Variants in RAB28 observed in about 807,000 individuals in gnomAD.
RAB28 encodes the protein ras-related protein Rab-28.
A neutral mutation model predicts 31.7 loss-of-function variants in RAB28; 24 were observed. That is an observed-to-expected ratio of 0.76 (90% confidence interval 0.55 to 1.06). RAB28 has a LOEUF of 1.06. Among genes scored for constraint, RAB28 ranks in the 50% least tolerant of loss-of-function variants. The probability of loss-of-function intolerance (pLI) is 0.00; values close to 1 mark genes in which losing one functional copy is unlikely to be tolerated. For synonymous variants in RAB28, 100 were observed against 90.4 expected, an observed-to-expected ratio of 1.11 and a Z score of -0.60; for missense variants, 254 against 258.5, an observed-to-expected ratio of 0.98 and a Z score of 0.12.
chr4:13,453,988 A>AT (rs907839216), intron 4 of RAB28, among the ~76,000 whole-genome samples: 1 of 151,860 alleles, frequency 6.6e-6, no homozygotes, highest in Non-Finnish European at 1.5e-5. Flanking sequence ...ATAATCCTAT[A>AT]TTTTTTGCCA....
rs1356627022 is a variant in RAB28 at position 13,368,179 on chromosome 4, GA to G, written c.*378del. 1.0e-6 allele frequency: 1 copy of G among 989,396 alleles called. No individual in the cohort carries two copies. Among genetic ancestry groups the G allele is most frequent in the Non-Finnish European group, 1.2e-6 (1 of 832,754 alleles). The allele number at this position is 989,396 out of a possible 1,614,324, so 61.3% of individuals were successfully genotyped here. On this transcript the variant is annotated 3_prime_UTR_variant, in exon 7 of 7. Coordinates refer to ENST00000330852, the MANE Select transcript of RAB28 (RefSeq NM_001017979.3). ...TTGACACATACAAGTTCCGATAAGA[GA>G]ATGAAATTGCTGTGGCAAAATCCTG...
chr4:13,400,017 C>A (rs773028218), intron 4 of RAB28, among the ~76,000 whole-genome samples: 5 of 152,068 alleles, frequency 3.3e-5, no homozygotes, highest in Non-Finnish European at 4.4e-5. Context: ...AACATTGTAG[C>A]CCTTAATCTA....
At chr4:13,451,265 C>T (rs1189978461) in intron 4 of RAB28, among the ~76,000 whole-genome samples, 1 of 151,842 alleles carries the variant, frequency 6.6e-6, no homozygotes, top group Non-Finnish European at 1.5e-5. Context: ...TTTTGATTTG[C>T]ATTTCCCTGA....
At chr4:13,424,660 A>C (rs1255798961) in intron 4 of RAB28, among the ~76,000 whole-genome samples, 1 of 152,156 alleles carries the variant, frequency 6.6e-6, no homozygotes, top group Non-Finnish European at 1.5e-5. Flanking sequence ...GAGACTTTCC[A>C]AATGTCACCA....
chr4:13,460,899 A>G, intron 3 of RAB28, 71 bp from the exon 4 acceptor site: 1 of 1,420,982 alleles, frequency 7.0e-7, no homozygotes, highest in Non-Finnish European at 9.8e-7. Flanking sequence ...ATACTTGCGT[A>G]ATGCTTCAGA....
chr4:13,464,559 G>T lies in RAB28; in HGVS notation c.262-3731C>A, dbSNP rs111915944. On this transcript the variant is annotated intron_variant, in intron 3 of 6. Coordinates refer to ENST00000330852, the MANE Select transcript of RAB28 (RefSeq NM_001017979.3). ...CCATACTTTACCACAACACTACCAG[G>T]GCACCAACATCTGAAAGAGCTGCAA... is the stretch of plus-strand genomic sequence containing the variant. Among the ~76,000 whole-genome samples, 169 of 151,926 alleles carry T rather than the reference G, an allele frequency of 1.1e-3. 2 individuals carry two copies. Among genetic ancestry groups the T allele is most frequent in the Middle Eastern group, 3.4e-3 (1 of 294 alleles).
chr4:13,408,519 T>G (rs748846458), intron 4 of RAB28, among the ~76,000 whole-genome samples: 1 of 152,180 alleles, frequency 6.6e-6, no homozygotes, highest in African/African-American at 2.4e-5. Flanking sequence ...AGGATGATGC[T>G]GGCCTCATAA....
At chr4:13,430,350 C>T (rs963680066) in intron 4 of RAB28, among the ~76,000 whole-genome samples, 19 of 151,906 alleles carry the variant, frequency 1.3e-4, no homozygotes, top group African/African-American at 4.6e-4. Context: ...AAGGAAGAAG[C>T]TGGGGTGCAA....
In RAB28 at chr4:13,484,213, G is replaced by T. The variant is rs2108982345; in HGVS notation, c.-63C>A. Reference sequence around the variant, plus strand: ...GGGGAAGGGAAGGATGAAGGCTCCGGGGGCGGGGGAGAGGAGGAAGGGAGG... The same window carrying T: ...GGGGAAGGGAAGGATGAAGGCTCCGTGGGCGGGGGAGAGGAGGAAGGGAGG... On this transcript the variant is annotated 5_prime_UTR_variant, in exon 1 of 7. Transcript: ENST00000330852. 7.3e-7 allele frequency: 1 copy of T among 1,362,296 alleles called. No individual in the cohort carries two copies. Among genetic ancestry groups the T allele is most frequent in the Non-Finnish European group, 1.0e-6 (1 of 975,850 alleles). 84.4% of individuals were successfully genotyped at this position (1,362,296 alleles called of 1,614,324 possible). A position where few individuals can be genotyped will look rare whatever the true frequency, so the allele number is the denominator to read the frequency against.
At chr4:13,437,463 C>T (rs1389450777) in intron 4 of RAB28, among the ~76,000 whole-genome samples, 1 of 151,978 alleles carries the variant, frequency 6.6e-6, no homozygotes, top group African/African-American at 2.4e-5. Flanking sequence ...GCAAACTATG[C>T]ATTGCCAAAG....
chr4:13,371,937 T>C, intron 6 of RAB28: 1 of 1,399,090 alleles, frequency 7.1e-7, no homozygotes, highest in Non-Finnish European at 9.9e-7. Context: ...ATTTGCCAAG[T>C]GTATACTGGA....
At chr4:13,376,454 G>A in intron 6 of RAB28, 91 bp downstream of exon 6, 1 of 821,628 alleles carries the variant, frequency 1.2e-6, no homozygotes, top group Admixed American at 2.7e-5. Flanking sequence ...TACGTACACA[G>A]AAGGCATAAA....
chr4:13,389,531 G>A (rs1729534925), intron 4 of RAB28, among the ~76,000 whole-genome samples: 1 of 151,964 alleles, frequency 6.6e-6, no homozygotes, highest in South Asian at 2.1e-4. Flanking sequence ...ATACTTTAAT[G>A]GAAAATTTCA....
chr4:13,468,295 T>C (rs1715963276), intron 3 of RAB28, among the ~76,000 whole-genome samples: 1 of 151,984 alleles, frequency 6.6e-6, no homozygotes, highest in African/African-American at 2.4e-5. Context: ...TACTATTCCC[T>C]AGCTCTCACG....
chr4:13,480,501 TA>T (rs1391609999), intron 1 of RAB28, among the ~76,000 whole-genome samples: 2 of 151,816 alleles, frequency 1.3e-5, no homozygotes, highest in Non-Finnish European at 3.0e-5. Context: ...TAATGAAAAC[TA>T]AGATAAATTT....
intron 2 of RAB28, among the ~76,000 whole-genome samples, 186 bp downstream of exon 2, chr4:13,479,244 T>G (rs1716499360): frequency 6.6e-6 from 1 of 151,596 alleles, no homozygotes; most frequent in Non-Finnish European, 1.5e-5. Flanking sequence ...AAACTTTTTC[T>G]TATACCCATG....
intron 4 of RAB28, among the ~76,000 whole-genome samples, chr4:13,425,739 G>C (rs1457482797): frequency 6.6e-6 from 1 of 152,092 alleles, no homozygotes; most frequent in Admixed American, 6.5e-5. Flanking sequence ...TGCTTTAGTT[G>C]TACTGTTGCT....
chr4:13,432,471 C>T (rs1485036857), intron 4 of RAB28, among the ~76,000 whole-genome samples: 2 of 151,882 alleles, frequency 1.3e-5, no homozygotes, highest in Non-Finnish European at 2.9e-5. Flanking sequence ...GATGACCATC[C>T]CCAAGGCATA....
intron 4 of RAB28, among the ~76,000 whole-genome samples, chr4:13,394,819 G>A (rs185369131): frequency 2.0e-5 from 3 of 152,252 alleles, no homozygotes; most frequent in African/African-American, 7.2e-5. Flanking sequence ...ACCATGAGGA[G>A]AAACGATGTC....
Sources: allele counts gnomAD v4.1 joint callset (sites outside exome capture counted in the v4.1 genomes callset), GRCh38; gene constraint gnomAD v4.1.1; transcripts MANE v1.5; gene names NCBI Gene and HGNC (gene_info 2026-07-23, HGNC 2026-07-21).